Variants in SCMH1 observed in about 807,000 individuals in gnomAD.
SCMH1 encodes the protein polycomb protein SCMH1.
A neutral mutation model predicts 70.8 loss-of-function variants in SCMH1; 37 were observed. The observed-to-expected ratio is 0.52, with a 90% CI of 0.40 to 0.69. The LOEUF (loss-of-function observed/expected upper bound fraction) is 0.69. Among genes scored for constraint, SCMH1 ranks in the 30% least tolerant of loss-of-function variants. The pLI, the probability that SCMH1 is intolerant of heterozygous loss-of-function variation, is 0.00. For missense variants in SCMH1, 607 were observed against 827.3 expected (o/e 0.73, Z 3.27); for synonymous variants, 292 against 307.4 (o/e 0.95, Z 0.52).
chr1:41,227,794 T>G (rs1265614808), intron 1 of SCMH1, among the ~76,000 whole-genome samples: 1 of 152,094 alleles, frequency 6.6e-6, no homozygotes, highest in South Asian at 2.1e-4. Flanking sequence ...CTGGCCAACA[T>G]AGTGAAACCC....
chr1:41,064,536 C>T (rs912775039), intron 10 of SCMH1, among the ~76,000 whole-genome samples: 1 of 152,124 alleles, frequency 6.6e-6, no homozygotes, highest in African/African-American at 2.4e-5. Context: ...TAAGTGATTA[C>T]AAGAATGCAG....
intron 1 of SCMH1, among the ~76,000 whole-genome samples, chr1:41,226,688 A>G (rs1021675625): frequency 1.3e-5 from 2 of 152,222 alleles, no homozygotes; most frequent in African/African-American, 2.4e-5. Flanking sequence ...AATATTGAAC[A>G]GAAGACATGG....
At chr1:41,144,247 G>A (rs1157687455) in intron 5 of SCMH1, among the ~76,000 whole-genome samples, 1 of 152,076 alleles carries the variant, frequency 6.6e-6, no homozygotes, top group Non-Finnish European at 1.5e-5. Flanking sequence ...TGCCCCAGTG[G>A]AGTCATTCCC....
At chr1:41,215,902 A>G (rs1657979591) in intron 1 of SCMH1, among the ~76,000 whole-genome samples, 1 of 152,208 alleles carries the variant, frequency 6.6e-6, no homozygotes, top group South Asian at 2.1e-4. Flanking sequence ...ATATACTCAG[A>G]AAGTACACAA....
exon 10 of SCMH1, chr1:41,070,674 G>A: frequency 6.2e-7 from 1 of 1,614,082 alleles, no homozygotes; most frequent in Non-Finnish European, 8.5e-7. Flanking sequence ...CAGGAGTGCT[G>A]GTTGTTGGTG....
chr1:41,133,601 G>A (rs13376240), intron 6 of SCMH1, among the ~76,000 whole-genome samples: 2,028 of 152,148 alleles, frequency 0.013, 47 homozygotes, highest in African/African-American at 0.046. Context: ...ATGATAAAGT[G>A]GATATCACCA....
intron 8 of SCMH1, among the ~76,000 whole-genome samples, chr1:41,081,420 G>C (rs1659983683): frequency 6.6e-6 from 1 of 152,242 alleles, no homozygotes; most frequent in Admixed American, 6.5e-5. Flanking sequence ...AATAGGAAAT[G>C]CAAAGGACCT....
intron 6 of SCMH1, among the ~76,000 whole-genome samples, chr1:41,139,360 C>G (rs1368220316): frequency 6.6e-6 from 1 of 152,140 alleles, no homozygotes; most frequent in Admixed American, 6.5e-5. Flanking sequence ...GGTACTGGCT[C>G]TGCTGGTTTC....
intron 1 of SCMH1, among the ~76,000 whole-genome samples, chr1:41,236,302 T>C: frequency 6.6e-6 from 1 of 152,078 alleles, no homozygotes; most frequent in East Asian, 1.9e-4. Context: ...ATGGGAGGGG[T>C]GCAGGAGAAT....
intron 10 of SCMH1, among the ~76,000 whole-genome samples, chr1:41,057,632 A>G (rs996231491): frequency 2.6e-5 from 4 of 152,164 alleles, no homozygotes; most frequent in African/African-American, 9.7e-5. Flanking sequence ...ACACAGTTTG[A>G]AGAAAAAGCG....
intron 1 of SCMH1, among the ~76,000 whole-genome samples, chr1:41,191,937 T>G (rs1324530101): frequency 1.3e-5 from 2 of 152,152 alleles, no homozygotes; most frequent in East Asian, 3.9e-4. Flanking sequence ...GAATGCCCCT[T>G]ACCTCCTTGA....
At chr1:41,156,363 A>G (rs1048696631) in intron 4 of SCMH1, among the ~76,000 whole-genome samples, 3 of 152,204 alleles carry the variant, frequency 2.0e-5, no homozygotes, top group Non-Finnish European at 4.4e-5. Context: ...ATTACCGTAT[A>G]AATAGTGTTC....
intron 1 of SCMH1, among the ~76,000 whole-genome samples, chr1:41,237,092 C>T (rs143942018): frequency 4.6e-4 from 70 of 152,342 alleles, no homozygotes; most frequent in African/African-American, 1.6e-3. Context: ...CTTACAGCTA[C>T]ATCTTCCTTC....
intron 13 of SCMH1, among the ~76,000 whole-genome samples, chr1:41,029,552 G>C (rs1468564647): frequency 6.6e-6 from 1 of 152,130 alleles, no homozygotes; most frequent in Non-Finnish European, 1.5e-5. Context: ...TTAGTGTTTT[G>C]CTTGGAGCTT....
intron 1 of SCMH1, among the ~76,000 whole-genome samples, chr1:41,189,623 C>T (rs1028250089): frequency 6.6e-6 from 1 of 152,198 alleles, no homozygotes; most frequent in Non-Finnish European, 1.5e-5. Flanking sequence ...GCAATAAATC[C>T]TATCTCCTCC....
At chr1:41,108,787 T>C (rs1668602038) in intron 8 of SCMH1, among the ~76,000 whole-genome samples, 1 of 152,200 alleles carries the variant, frequency 6.6e-6, no homozygotes, top group African/African-American at 2.4e-5. Flanking sequence ...AGGAGTCACC[T>C]GCTACCTATT....
chr1:41,074,356 T>C (rs1306981424), intron 9 of SCMH1, among the ~76,000 whole-genome samples: 2 of 152,182 alleles, frequency 1.3e-5, no homozygotes, highest in African/African-American at 4.8e-5. Context: ...AAAAATCATT[T>C]TACATCTGTA....
intron 1 of SCMH1, among the ~76,000 whole-genome samples, chr1:41,203,216 C>G (rs1336155574): frequency 6.6e-6 from 1 of 152,060 alleles, no homozygotes; most frequent in African/African-American, 2.4e-5. Context: ...ATCACAAATA[C>G]TTGATCCGTA....
At chr1:41,081,287 C>A (rs951533612) in intron 8 of SCMH1, among the ~76,000 whole-genome samples, 1 of 152,184 alleles carries the variant, frequency 6.6e-6, no homozygotes, top group Non-Finnish European at 1.5e-5. Context: ...AAAGCATCAC[C>A]ACTGTTAGGT....
Sources: allele counts gnomAD v4.1 joint callset (sites outside exome capture counted in the v4.1 genomes callset), GRCh38; gene constraint gnomAD v4.1.1; transcripts MANE v1.5; gene names NCBI Gene and HGNC (gene_info 2026-07-23, HGNC 2026-07-21).